The following CSMD1 variants were observed in gnomAD, a reference collection of about 807,000 sequenced individuals.
CSMD1 encodes the protein CUB and Sushi multiple domains 1.
In CSMD1, 213 loss-of-function variants were observed where a neutral mutation model predicts 417.5. The observed-to-expected ratio is 0.51, with a 90% confidence interval of 0.46 to 0.57. The LOEUF is 0.57. Among genes scored for constraint, CSMD1 ranks in the 20% least tolerant of loss-of-function variants. The probability of loss-of-function intolerance (pLI) is 0.00; values close to 1 mark genes in which losing one functional copy is unlikely to be tolerated. For missense variants in CSMD1, 6,923 were observed against 4,529.7 expected, an observed-to-expected ratio of 1.53 and a Z score of -15.17; for synonymous variants, 2,862 against 1,736.8, an observed-to-expected ratio of 1.65 and a Z score of -16.11.
At chr8:4,045,747 A>G (rs1363505052) in intron 3 of CSMD1, among the ~76,000 whole-genome samples, 1 of 152,240 alleles carries the variant, frequency 6.6e-6, no homozygotes, top group African/African-American at 2.4e-5. Context: ...ACACCAGTGA[A>G]CTGTGAAACA....
intron 10 of CSMD1, among the ~76,000 whole-genome samples, chr8:3,546,248 C>T (rs1798657113): frequency 1.3e-5 from 2 of 148,810 alleles, no homozygotes; most frequent in Admixed American, 1.3e-4. Context: ...AATGGCTGGC[C>T]ACGTGAATTT....
chr8:4,854,598 T>G (rs562784131), intron 1 of CSMD1, among the ~76,000 whole-genome samples: 1 of 152,050 alleles, frequency 6.6e-6, no homozygotes, highest in Admixed American at 6.5e-5. Flanking sequence ...TTGCCTCACT[T>G]GGGAAGCGGA....
chr8:4,320,673 C>A (rs1003119950), intron 3 of CSMD1, among the ~76,000 whole-genome samples: 1 of 152,114 alleles, frequency 6.6e-6, no homozygotes, highest in Non-Finnish European at 1.5e-5. Context: ...CGATGTCCTG[C>A]AAAGGACATG....
At chr8:3,651,750 ATACT>A (rs1797868193) in intron 7 of CSMD1, among the ~76,000 whole-genome samples, 1 of 151,160 alleles carries the variant, frequency 6.6e-6, no homozygotes. Context: ...TATCATCACT[ATACT>A]TACTACCAAC....
At chr8:4,051,472 A>T (rs1023184639) in intron 3 of CSMD1, among the ~76,000 whole-genome samples, 1 of 152,296 alleles carries the variant, frequency 6.6e-6, no homozygotes, top group South Asian at 2.1e-4. Flanking sequence ...ACACGTATAA[A>T]TTGAATGCAC....
chr8:4,072,480 A>C (rs1012626482), intron 3 of CSMD1, among the ~76,000 whole-genome samples: 1 of 152,188 alleles, frequency 6.6e-6, no homozygotes, highest in African/African-American at 2.4e-5. Context: ...CTTGTAGTGA[A>C]GGGAATTGTG....
intron 3 of CSMD1, among the ~76,000 whole-genome samples, chr8:4,307,865 GAGCAAGA>G (rs1189616374): frequency 6.6e-6 from 1 of 152,120 alleles, no homozygotes; most frequent in African/African-American, 2.4e-5. Context: ...AATCTTCACT[GAGCAAGA>G]AGTGTTCAGT....
At chr8:3,854,292 T>A (rs1804139055) in intron 5 of CSMD1, among the ~76,000 whole-genome samples, 1 of 151,572 alleles carries the variant, frequency 6.6e-6, no homozygotes, top group Non-Finnish European at 1.5e-5. Flanking sequence ...TCTTGTAAGG[T>A]GAAATTTTAG....
chr8:4,784,132 G>T (rs1288637892), intron 1 of CSMD1, among the ~76,000 whole-genome samples: 2 of 152,338 alleles, frequency 1.3e-5, no homozygotes, highest in Non-Finnish European at 2.9e-5. Flanking sequence ...AGGGTACACA[G>T]AATAAGTCAG....
chr8:4,928,855 A>G (rs1276845701), intron 1 of CSMD1, among the ~76,000 whole-genome samples: 1 of 152,122 alleles, frequency 6.6e-6, no homozygotes, highest in Non-Finnish European at 1.5e-5. Flanking sequence ...GGATCACCTG[A>G]GGTTGGGAGT....
intron 3 of CSMD1, among the ~76,000 whole-genome samples, chr8:4,254,178 A>T (rs1191876609): frequency 6.6e-6 from 1 of 151,956 alleles, no homozygotes; most frequent in Non-Finnish European, 1.5e-5. Context: ...TGGCCTCCCA[A>T]AGTGATGGGA....
chr8:3,475,474 G>A (rs929831207), intron 11 of CSMD1, among the ~76,000 whole-genome samples: 4 of 152,194 alleles, frequency 2.6e-5, no homozygotes, highest in East Asian at 1.9e-4. Flanking sequence ...ATGTTAGGCA[G>A]CATACCAAGG....
chr8:4,019,495 T>A (rs951744637), intron 4 of CSMD1, among the ~76,000 whole-genome samples: 2 of 152,144 alleles, frequency 1.3e-5, no homozygotes, highest in East Asian at 1.9e-4. Context: ...CTGGGGCCCA[T>A]TGCATGAATG....
intron 5 of CSMD1, among the ~76,000 whole-genome samples, chr8:3,834,996 T>G (rs1250036231): frequency 1.3e-5 from 2 of 151,998 alleles, no homozygotes; most frequent in African/African-American, 2.4e-5. Flanking sequence ...ATCAGAGAAA[T>G]GCAAGTCAAA....
chr8:4,770,002 T>C (rs1023744957), intron 1 of CSMD1, among the ~76,000 whole-genome samples: 6 of 152,056 alleles, frequency 3.9e-5, no homozygotes, highest in Non-Finnish European at 4.4e-5. Flanking sequence ...CCTCCCTTTT[T>C]GCAGAAAGAC....
At chr8:3,246,369 G>C (rs1037091610) in intron 26 of CSMD1, among the ~76,000 whole-genome samples, 1 of 152,150 alleles carries the variant, frequency 6.6e-6, no homozygotes, top group Non-Finnish European at 1.5e-5. Flanking sequence ...GGGTCACCCT[G>C]AAATGCCAGT....
At chr8:3,178,225 T>G (rs1047454753) in intron 37 of CSMD1, among the ~76,000 whole-genome samples, 1 of 152,164 alleles carries the variant, frequency 6.6e-6, no homozygotes, top group African/African-American at 2.4e-5. Context: ...TGGTTTTTGT[T>G]TGAGAAATTT....
At chr8:4,442,509 T>C (rs889892250) in intron 2 of CSMD1, among the ~76,000 whole-genome samples, 1 of 152,150 alleles carries the variant, frequency 6.6e-6, no homozygotes, top group Non-Finnish European at 1.5e-5. Flanking sequence ...AAAGATGTTA[T>C]TCCTTATGTC....
chr8:4,444,449 G>A (rs1798664433), intron 2 of CSMD1, among the ~76,000 whole-genome samples: 1 of 149,940 alleles, frequency 6.7e-6, no homozygotes, highest in South Asian at 2.1e-4. Flanking sequence ...AACAGCATGT[G>A]AGAAAACCAC....
Sources: gnomAD v4.1 joint callset for allele counts (sites outside exome capture counted in the v4.1 genomes callset) on GRCh38, gnomAD v4.1.1 for gene constraint, MANE v1.5 for transcripts, NCBI Gene and HGNC (gene_info 2026-07-23, HGNC 2026-07-21) for gene names.